GREB1L: variants seen among roughly 807,000 people sequenced by gnomAD.
The protein encoded by GREB1L is GREB1-like protein.
A neutral mutation model predicts 200.8 loss-of-function variants in GREB1L; 17 were observed. That is an observed-to-expected ratio of 0.08 (90% CI 0.06 to 0.13). GREB1L has a LOEUF of 0.13. Among genes scored for constraint, GREB1L ranks in the 10% least tolerant of loss-of-function variants. The pLI is 1.00. For synonymous variants in GREB1L, 789 were observed against 893.0 expected, an observed-to-expected ratio of 0.88 and a Z score of 2.08; for missense variants, 1,657 against 2,367.7, an observed-to-expected ratio of 0.70 and a Z score of 6.23.
At chr18:21,472,644 A>T (rs2035528231) in intron 15 of GREB1L, among the ~76,000 whole-genome samples, 1 of 152,016 alleles carries the variant, frequency 6.6e-6, no homozygotes, top group South Asian at 2.1e-4. Flanking sequence ...AAAAAGGCTT[A>T]TATTAATTTG....
chr18:21,375,350 C>T (rs2143835838), intron 2 of GREB1L, among the ~76,000 whole-genome samples: 1 of 152,258 alleles, frequency 6.6e-6, no homozygotes, highest in East Asian at 1.9e-4. Context: ...GCGTGAGCCA[C>T]CGCACCTGGC....
At chr18:21,497,852 G>A (rs1194189121) in intron 21 of GREB1L, among the ~76,000 whole-genome samples, 1 of 104,694 alleles carries the variant, frequency 9.6e-6, no homozygotes, top group South Asian at 3.2e-4. Context: ...ATGGAGTTTC[G>A]CTCTTGTCCC....
Position 21,499,962 on chromosome 18 carries a change from A to G in GREB1L, c.3625A>G (p.Arg1209Gly). The change falls in exon 22 of 33, where the codon AGG becomes GGG. Residue 1209 changes from arginine to glycine, a missense_variant. Transcript: ENST00000424526. ...SKPSSSSSGP[R>G]TLPWPGQPIR... Reference sequence around the variant, plus strand: ...GCCGTCATCATCATCCTCAGGACCCAGGACCCTCCCATGGCCGGGACAGCC... The same window carrying G: ...GCCGTCATCATCATCCTCAGGACCCGGGACCCTCCCATGGCCGGGACAGCC... 6.4e-7 allele frequency: 1 copy of G among 1,551,420 alleles called. No individual in the cohort carries two copies.
intron 1 of GREB1L, among the ~76,000 whole-genome samples, chr18:21,249,118 T>C (rs1239131779): frequency 6.6e-6 from 1 of 152,162 alleles, no homozygotes; most frequent in East Asian, 1.9e-4. Context: ...ACATATGTCG[T>C]GAAACTATTT....
rs1329487390 is a variant in GREB1L, at chr18:21,434,531, G to GTA, written c.833-4982_833-4981dup. ...TGTGTGTGTGTGTGTGTGTGTGTGT[G>GTA]TATATATATGTGTATATATATGTGT... On this transcript the variant is annotated intron_variant, in intron 7 of 32. Transcript: ENST00000424526. Among the ~76,000 whole-genome samples, 47 of 107,830 alleles carry GTA rather than the reference G, an allele frequency of 4.4e-4. 1 individual carries two copies. The South Asian group carries it at 7.3e-3, about 17-fold the overall frequency. 70.7% of individuals were successfully genotyped at this position (107,830 alleles called of 152,430 possible). A position where few individuals can be genotyped will look rare whatever the true frequency, so the allele number is the denominator to read the frequency against.
chr18:21,404,315 T>C (rs1047167735), intron 7 of GREB1L, among the ~76,000 whole-genome samples: 17 of 152,104 alleles, frequency 1.1e-4, no homozygotes, highest in Non-Finnish European at 2.5e-4. Flanking sequence ...TGGCAAGTAT[T>C]AGAGACACAG....
chr18:21,444,395 A>T lies in GREB1L; in HGVS notation c.1379A>T (p.Tyr460Phe). 6.4e-7 allele frequency: 1 copy of T among 1,552,022 alleles called. No homozygotes were observed. The highest frequency in any genetic ancestry group is 8.7e-7 in the Non-Finnish European group (1 of 1,146,922). The change falls in exon 11 of 33, where the codon TAT becomes TTT. Residue 460 changes from tyrosine (Y) to phenylalanine (F), a missense_variant. This residue lies in a region of GREB1L where 289 missense variants were observed against 345.1 expected (regional missense o/e 0.84). Transcript: ENST00000424526. ...AACATGATTCTTCTGACGATACAGT[A>T]TCTTGTGCGGCTGGGTAAGTCATTT... is the stretch of plus-strand genomic sequence containing the variant. Reference protein sequence around the residue: ...VENMILLTIQYLVRLGPDQVP... With the variant: ...VENMILLTIQFLVRLGPDQVP...
At chr18:21,428,708 C>A in intron 7 of GREB1L, among the ~76,000 whole-genome samples, 1 of 89,968 alleles carries the variant, frequency 1.1e-5, no homozygotes, top group African/African-American at 4.7e-5. Context: ...CGCGGTTTAT[C>A]TCTTTTTTTT....
rs760419655 is a variant in GREB1L, at chr18:21,383,708, C to G, written c.157+33C>G. The G allele has an allele frequency of 2.0e-5, 30 of 1,526,300 alleles. No individual in the cohort carries two copies. The South Asian group carries it at 3.7e-4, about 19-fold the overall frequency. 94.5% of individuals were successfully genotyped at this position (1,526,300 alleles called of 1,614,324 possible). A position where few individuals can be genotyped will look rare whatever the true frequency, so the allele number is the denominator to read the frequency against. ...TCTCAATCACACACATTTCTGGATT[C>G]TTTTTTTTTGTTTTGTTTTTTTGAG... On this transcript the variant is annotated intron_variant, in intron 3 of 32. Transcript: ENST00000424526.
intron 1 of GREB1L, among the ~76,000 whole-genome samples, chr18:21,303,539 T>A (rs1302490167): frequency 1.3e-5 from 2 of 152,240 alleles, no homozygotes; most frequent in Non-Finnish European, 2.9e-5. Context: ...TGGTTTTCAC[T>A]CTTCACTTAC....
intron 12 of GREB1L, 68 bp from the exon 13 acceptor site, chr18:21,450,955 A>G (rs2034491919): frequency 6.8e-7 from 1 of 1,471,556 alleles, no homozygotes; most frequent in South Asian, 1.3e-5. Flanking sequence ...AATTGTTGCC[A>G]TTATAAGTAA....
At chr18:21,410,995 T>C (rs2030933390) in intron 7 of GREB1L, among the ~76,000 whole-genome samples, 1 of 151,870 alleles carries the variant, frequency 6.6e-6, no homozygotes, top group African/African-American at 2.4e-5. Context: ...AGAATACTTA[T>C]GAATTAATAA....
chr18:21,244,457 A>G (rs1289768059), intron 1 of GREB1L, among the ~76,000 whole-genome samples: 1 of 152,182 alleles, frequency 6.6e-6, no homozygotes, highest in Non-Finnish European at 1.5e-5. Context: ...GATTTGCCAC[A>G]AACCCGCCAC....
At chr18:21,350,717 G>C (rs1194540581) in intron 1 of GREB1L, among the ~76,000 whole-genome samples, 1 of 152,148 alleles carries the variant, frequency 6.6e-6, no homozygotes, top group African/African-American at 2.4e-5. Flanking sequence ...CACCAGCACA[G>C]ACGATAGGAA....
intron 15 of GREB1L, among the ~76,000 whole-genome samples, chr18:21,463,772 G>A (rs187416046): frequency 1.3e-5 from 2 of 152,228 alleles, no homozygotes; most frequent in African/African-American, 4.8e-5. Flanking sequence ...ATCTCACCAC[G>A]TTGCTCAGGC....
intron 19 of GREB1L, among the ~76,000 whole-genome samples, chr18:21,493,871 A>G (rs2036440871): frequency 6.8e-6 from 1 of 146,184 alleles, no homozygotes. Context: ...GTCTCAAAAA[A>G]AAAAAAAAAA....
At chr18:21,313,998 A>G (rs1430551831) in intron 1 of GREB1L, among the ~76,000 whole-genome samples, 1 of 152,216 alleles carries the variant, frequency 6.6e-6, no homozygotes, top group Non-Finnish European at 1.5e-5. Flanking sequence ...ACTGTTGACC[A>G]ATCTCTTGCT....
At chr18:21,294,235 G>A (rs2038493986) in intron 1 of GREB1L, among the ~76,000 whole-genome samples, 1 of 152,072 alleles carries the variant, frequency 6.6e-6, no homozygotes, top group Admixed American at 6.6e-5. Flanking sequence ...ATTCATAGTG[G>A]CATGTGAGGC....
chr18:21,517,261 C>T (rs1277294033), intron 30 of GREB1L, among the ~76,000 whole-genome samples: 1 of 152,194 alleles, frequency 6.6e-6, no homozygotes. Context: ...GACAATCCAA[C>T]AAAATTACTT....
Sources: allele counts gnomAD v4.1 joint callset (sites outside exome capture counted in the v4.1 genomes callset), GRCh38; gene constraint gnomAD v4.1.1; regional missense constraint gnomAD v4.1.1; transcripts MANE v1.5; gene names NCBI Gene and HGNC (gene_info 2026-07-23, HGNC 2026-07-21).